DCLK1: variants seen among roughly 807,000 people sequenced by gnomAD.
DCLK1 encodes the protein doublecortin like kinase 1.
In DCLK1, 16 loss-of-function variants were observed where a neutral mutation model predicts 86.2. The observed-to-expected ratio is 0.19, with a 90% CI of 0.13 to 0.28. DCLK1 has a LOEUF of 0.28. DCLK1 is among the 10% of genes least tolerant of loss of function. The pLI, the probability that DCLK1 is intolerant of heterozygous loss-of-function variation, is 1.00. For synonymous variants in DCLK1, 369 were observed against 370.5 expected (o/e 1.00, Z 0.05); for missense variants, 590 against 940.2 (o/e 0.63, Z 4.87).
intron 4 of DCLK1, among the ~76,000 whole-genome samples, chr13:35,903,001 T>C (rs954566972): frequency 6.6e-6 from 1 of 152,052 alleles, no homozygotes; most frequent in Non-Finnish European, 1.5e-5. Flanking sequence ...AAAATTTTCA[T>C]ACACCAGGTT....
At chr13:36,020,271 T>C (rs1881718790) in intron 3 of DCLK1, among the ~76,000 whole-genome samples, 1 of 152,142 alleles carries the variant, frequency 6.6e-6, no homozygotes, top group South Asian at 2.1e-4. Flanking sequence ...AGATGATAAA[T>C]GGTTATTGAA....
intron 2 of DCLK1, among the ~76,000 whole-genome samples, chr13:36,121,152 C>T (rs1345928054): frequency 6.6e-6 from 1 of 152,088 alleles, no homozygotes; most frequent in Non-Finnish European, 1.5e-5. Flanking sequence ...ATGATGGTAA[C>T]TTTGTATAAA....
intron 3 of DCLK1, among the ~76,000 whole-genome samples, chr13:35,972,426 A>G (rs9565720): frequency 0.15 from 23,262 of 152,082 alleles, 2,096 homozygotes; most frequent in East Asian, 0.23. Flanking sequence ...GAGACATACA[A>G]ACAGAGAAGC....
chr13:36,066,020 A>G (rs934202409), intron 3 of DCLK1, among the ~76,000 whole-genome samples: 23 of 152,132 alleles, frequency 1.5e-4, no homozygotes, highest in Admixed American at 6.5e-5. Flanking sequence ...ACCTTCTAAA[A>G]ACACACAATA....
chr13:36,076,062 C>A (rs1260401317), intron 3 of DCLK1, among the ~76,000 whole-genome samples: 1 of 152,092 alleles, frequency 6.6e-6, no homozygotes, highest in Non-Finnish European at 1.5e-5. Context: ...ATCCTTCCTT[C>A]AATATATCTT....
chr13:36,089,475 A>G (rs965890632), intron 3 of DCLK1, among the ~76,000 whole-genome samples: 1 of 152,164 alleles, frequency 6.6e-6, no homozygotes, highest in Non-Finnish European at 1.5e-5. Flanking sequence ...GCACTCAACT[A>G]TTCCACTCTC....
chr13:35,979,809 G>A (rs907242456), intron 3 of DCLK1, among the ~76,000 whole-genome samples: 2 of 152,134 alleles, frequency 1.3e-5, no homozygotes, highest in African/African-American at 2.4e-5. Flanking sequence ...ACATGCAGGC[G>A]GCCTGGTTCC....
chr13:35,954,564 G>A (rs560201866), intron 3 of DCLK1, among the ~76,000 whole-genome samples: 38 of 152,106 alleles, frequency 2.5e-4, no homozygotes, highest in Middle Eastern at 3.4e-3. Context: ...AGCGTGTTAC[G>A]TTATTGTCAT....
At position 35,836,424 on chromosome 13, in the gene DCLK1, C is replaced by A. The variant is rs189554095; in HGVS notation, c.1121-283G>T. Among the ~76,000 whole-genome samples, 4 of 152,318 alleles carry A rather than the reference C, an allele frequency of 2.6e-5. No homozygotes were observed. In the East Asian group the frequency reaches 7.7e-4, roughly 29 times the overall value. On this transcript the variant is annotated intron_variant, in intron 7 of 16. Transcript: ENST00000360631. ...TGCCGTAGGGATTCTCAGGAGGAAG[C>A]TTTGCTCCTTTTACTTCACGCCAAT...
rs967292606 is a variant in DCLK1 at position 35,845,262 on chromosome 13, A to C, written c.1036-6086T>G. On this transcript the variant is annotated intron_variant, in intron 6 of 16. Transcript: ENST00000360631. ...GACTCTGTCTCAGAAAAATATGTAT[A>C]TATTTTTTCTAGCTTGGTCAGCAGA... Among the ~76,000 whole-genome samples, 3 of 152,104 alleles carry C rather than the reference A, an allele frequency of 2.0e-5. No individual in the cohort carries two copies. The South Asian group carries it at 6.2e-4, about 31-fold the overall frequency.
At chr13:35,842,301 G>A (rs7318908) in intron 6 of DCLK1, among the ~76,000 whole-genome samples, 1 of 145,160 alleles carries the variant, frequency 6.9e-6, no homozygotes, top group Non-Finnish European at 1.5e-5. Flanking sequence ...CTCCATGTTT[G>A]CCATTTATTG....
intron 3 of DCLK1, among the ~76,000 whole-genome samples, chr13:35,970,804 C>T (rs1593780016): frequency 1.3e-5 from 2 of 152,242 alleles, no homozygotes; most frequent in African/African-American, 4.8e-5. Flanking sequence ...TGAACTAAGA[C>T]AATTAATTTC....
chr13:35,862,545 C>A (rs1871481070), intron 5 of DCLK1, among the ~76,000 whole-genome samples: 1 of 152,202 alleles, frequency 6.6e-6, no homozygotes, highest in Non-Finnish European at 1.5e-5. Context: ...TGCGATCTTT[C>A]ATGGCACTGT....
At chr13:36,070,072 T>C (rs1179430581) in intron 3 of DCLK1, among the ~76,000 whole-genome samples, 3 of 151,952 alleles carry the variant, frequency 2.0e-5, no homozygotes, top group Admixed American at 6.6e-5. Flanking sequence ...TAAAATAAAA[T>C]CCTTAAGTCT....
At chr13:35,784,754 G>A (rs561470116) in intron 16 of DCLK1, among the ~76,000 whole-genome samples, 7 of 152,172 alleles carry the variant, frequency 4.6e-5, no homozygotes, top group East Asian at 3.9e-4. Flanking sequence ...CGGGGACAGC[G>A]TTCTCACTCT....
intron 16 of DCLK1, among the ~76,000 whole-genome samples, chr13:35,792,894 T>G (rs535667011): frequency 6.6e-6 from 1 of 152,358 alleles, no homozygotes; most frequent in African/African-American, 2.4e-5. Flanking sequence ...TCAATTTCAC[T>G]GAAAATCTCA....
intron 3 of DCLK1, among the ~76,000 whole-genome samples, chr13:36,073,185 A>G (rs774452775): frequency 1.3e-5 from 2 of 152,236 alleles, no homozygotes; most frequent in Non-Finnish European, 2.9e-5. Flanking sequence ...ACCACAATTC[A>G]GTTTTAGAAC....
At chr13:35,909,527 G>A (rs1169427167) in intron 4 of DCLK1, among the ~76,000 whole-genome samples, 1 of 150,306 alleles carries the variant, frequency 6.7e-6, no homozygotes, top group Admixed American at 6.7e-5. Context: ...ATGAGATTTT[G>A]TATGCAATGA....
At chr13:35,776,502 T>C (rs988682123) in intron 16 of DCLK1, among the ~76,000 whole-genome samples, 1 of 152,186 alleles carries the variant, frequency 6.6e-6, no homozygotes, top group African/African-American at 2.4e-5. Flanking sequence ...GAAAAGCACA[T>C]CAGGTTTGTG....
Sources: gnomAD v4.1 joint callset for allele counts (sites outside exome capture counted in the v4.1 genomes callset) on GRCh38, gnomAD v4.1.1 for gene constraint, MANE v1.5 for transcripts, NCBI Gene and HGNC (gene_info 2026-07-23, HGNC 2026-07-21) for gene names.